CEP70: variants seen among roughly 807,000 people sequenced by gnomAD.
The protein encoded by CEP70 is centrosomal protein 70.
Under a neutral mutation model 90.9 loss-of-function variants are expected in CEP70, and 70 were observed. The ratio of observed to expected loss-of-function variants is 0.77; its 90% CI spans 0.64 to 0.94. The LOEUF is 0.94. Ranked by LOEUF, CEP70 falls within the 40% of genes least tolerant of loss-of-function variation. The pLI is 0.00. For missense variants in CEP70, 648 were observed against 669.0 expected (o/e 0.97, Z 0.35); for synonymous variants, 220 against 228.3 (o/e 0.96, Z 0.33).
chr3:138,544,357 C>CAAAAAAAA (rs59364039), intron 6 of CEP70, among the ~76,000 whole-genome samples: 301 of 135,938 alleles, frequency 2.2e-3, no homozygotes, highest in African/African-American at 7.5e-3. Flanking sequence ...ACTCAAAAGA[C>CAAAAAAAA]AAAAAAAAAA....
chr3:138,522,255 G>A (rs532807123), intron 11 of CEP70, among the ~76,000 whole-genome samples: 2 of 143,806 alleles, frequency 1.4e-5, no homozygotes, highest in African/African-American at 2.6e-5. Context: ...CCCCCTCTCC[G>A]AGAAAAACCC....
chr3:138,525,605 A>C, intron 10 of CEP70, 41 bp from the exon 11 acceptor site: 2 of 955,642 alleles, frequency 2.1e-6, no homozygotes, highest in Non-Finnish European at 2.9e-6. Flanking sequence ...CAATTTACTG[A>C]ATAAAAGCAT....
intron 11 of CEP70, among the ~76,000 whole-genome samples, chr3:138,515,642 T>C (rs1397652319): frequency 1.3e-5 from 2 of 152,130 alleles, no homozygotes; most frequent in African/African-American, 2.4e-5. Context: ...TGACTACAGG[T>C]GCTGTATGGA....
chr3:138,582,365 G>A (rs148362325), intron 2 of CEP70, among the ~76,000 whole-genome samples: 1,565 of 152,162 alleles, frequency 0.01, 27 homozygotes, highest in African/African-American at 0.036. Context: ...CCAGCTACTC[G>A]GGAGGCTGAG....
chr3:138,584,998 A>G (rs2042042572), intron 2 of CEP70, among the ~76,000 whole-genome samples: 1 of 152,174 alleles, frequency 6.6e-6, no homozygotes. Flanking sequence ...TGCTGTAGTT[A>G]GGACTAGAAT....
At chr3:138,592,956 G>A (rs2042457756) in intron 1 of CEP70, 1 of 152,184 alleles carries the variant, frequency 6.6e-6, no homozygotes, top group Non-Finnish European at 1.5e-5. Context: ...GCTGTTTAAT[G>A]TTCCTAAGAA....
At chr3:138,589,827 A>G (rs1362711949) in intron 2 of CEP70, among the ~76,000 whole-genome samples, 1 of 152,228 alleles carries the variant, frequency 6.6e-6, no homozygotes, top group African/African-American at 2.4e-5. Flanking sequence ...GTGTGAGCCA[A>G]AGACTTTATA....
intron 1 of CEP70, among the ~76,000 whole-genome samples, chr3:138,592,789 G>A (rs1366733256): frequency 2.0e-5 from 3 of 151,918 alleles, no homozygotes; most frequent in Non-Finnish European, 4.4e-5. Context: ...ATAAACCATG[G>A]CCAATAACTG....
intron 10 of CEP70, among the ~76,000 whole-genome samples, chr3:138,528,045 GTTT>G (rs541606837): frequency 2.2e-5 from 3 of 135,012 alleles, no homozygotes; most frequent in African/African-American, 2.7e-5. Flanking sequence ...TCTATTTGAA[GTTT>G]TTTTTTTTTT....
rs1576867623 is a variant in CEP70 at position 138,566,828 on chromosome 3, A to AG, written c.465+3489_465+3490insC. Among the ~76,000 whole-genome samples, 3 of 151,892 alleles carry AG rather than the reference A, an allele frequency of 2.0e-5. No homozygotes were observed. In the East Asian group the frequency reaches 5.8e-4, roughly 29 times the overall value. ...GTATATATATATATATAAAAAAAAA[A>AG]CTTAAATGTATACTTACCATATGAC... On this transcript the variant is annotated intron_variant, in intron 6 of 17. Transcript: ENST00000264982.
At chr3:138,577,209 G>T (rs1023927807) in intron 2 of CEP70, among the ~76,000 whole-genome samples, 2 of 152,110 alleles carry the variant, frequency 1.3e-5, no homozygotes, top group Admixed American at 6.6e-5. Flanking sequence ...GTGGGGGGAT[G>T]GGGGAGGGAT....
At chr3:138,557,160 A>G (rs369654043) in intron 6 of CEP70, among the ~76,000 whole-genome samples, 2 of 152,116 alleles carry the variant, frequency 1.3e-5, no homozygotes, top group South Asian at 2.1e-4. Flanking sequence ...TATTTCTCCC[A>G]TTTGCTTTTG....
At chr3:138,592,391 G>C (rs188231890) in intron 1 of CEP70, among the ~76,000 whole-genome samples, 1 of 152,144 alleles carries the variant, frequency 6.6e-6, no homozygotes, top group Admixed American at 6.5e-5. Context: ...TGAAATAAAC[G>C]GGCCAATAGT....
chr3:138,585,970 C>T (rs1009743373), intron 2 of CEP70, among the ~76,000 whole-genome samples: 2 of 152,078 alleles, frequency 1.3e-5, no homozygotes, highest in Non-Finnish European at 2.9e-5. Context: ...TTGGATTGGG[C>T]AAAGATTTCT....
intron 6 of CEP70, among the ~76,000 whole-genome samples, chr3:138,564,649 C>T (rs986753043): frequency 4.6e-5 from 7 of 152,102 alleles, no homozygotes; most frequent in African/African-American, 1.7e-4. Context: ...ATTCAACAGC[C>T]CTTCTTGCTA....
At chr3:138,512,554 T>C (rs541304417) in intron 11 of CEP70, among the ~76,000 whole-genome samples, 1 of 152,134 alleles carries the variant, frequency 6.6e-6, no homozygotes, top group East Asian at 1.9e-4. Flanking sequence ...GCCTGAAAGA[T>C]AATAAAAATC....
intron 2 of CEP70, among the ~76,000 whole-genome samples, chr3:138,587,840 A>G (rs575191492): frequency 6.6e-6 from 1 of 152,316 alleles, no homozygotes; most frequent in South Asian, 2.1e-4. Context: ...ATATCATTTC[A>G]AGGTTTATAA....
chr3:138,528,778 AG>A (rs2037531703), intron 10 of CEP70, among the ~76,000 whole-genome samples: 6 of 152,146 alleles, frequency 3.9e-5, no homozygotes, highest in Non-Finnish European at 5.9e-5. Flanking sequence ...GGATCACTTG[AG>A]GTCAGAAGTC....
At chr3:138,512,620 T>C (rs529067941) in intron 11 of CEP70, among the ~76,000 whole-genome samples, 8 of 152,288 alleles carry the variant, frequency 5.3e-5, no homozygotes, top group Non-Finnish European at 1.0e-4. Flanking sequence ...ATTCCATGTA[T>C]TCAACAGCAG....
Sources: gnomAD v4.1 joint callset for allele counts (sites outside exome capture counted in the v4.1 genomes callset) on GRCh38, gnomAD v4.1.1 for gene constraint, MANE v1.5 for transcripts, NCBI Gene and HGNC (gene_info 2026-07-23, HGNC 2026-07-21) for gene names.